Variants in AGMO observed in about 807,000 individuals in gnomAD.
The protein encoded by AGMO is alkylglycerol monooxygenase, also known as glyceryl-ether monooxygenase.
Under a neutral mutation model 60.2 loss-of-function variants are expected in AGMO, and 75 were observed. That is an observed-to-expected ratio of 1.25 (90% CI 1.03 to 1.51). The LOEUF is 1.51. Ranked by LOEUF, AGMO falls within the 40% of genes most tolerant of loss-of-function variation. The pLI, the probability that AGMO is intolerant of heterozygous loss-of-function variation, is 0.00. For missense variants in AGMO, 763 were observed against 525.5 expected (o/e 1.45, Z -4.42); for synonymous variants, 261 against 177.1 (o/e 1.47, Z -3.76).
intron 3 of AGMO, among the ~76,000 whole-genome samples, chr7:15,452,273 A>G (rs1781874990): frequency 6.6e-6 from 1 of 152,186 alleles, no homozygotes; most frequent in East Asian, 1.9e-4. Context: ...TATATTAAAT[A>G]ATACTATCAA....
At chr7:15,386,710 A>G (rs1292926716) in intron 9 of AGMO, among the ~76,000 whole-genome samples, 1 of 151,932 alleles carries the variant, frequency 6.6e-6, no homozygotes, top group Non-Finnish European at 1.5e-5. Flanking sequence ...TGAAATTAAG[A>G]GTAGTTTACT....
intron 12 of AGMO, among the ~76,000 whole-genome samples, chr7:15,337,116 C>T (rs1435352551): frequency 1.3e-5 from 2 of 152,002 alleles, no homozygotes; most frequent in African/African-American, 2.4e-5. Context: ...TCCCTAAATC[C>T]GTGGGATAAG....
chr7:15,272,916 TG>T lies in AGMO; in HGVS notation c.1264-71558del, dbSNP rs763439903. ...GATGAGCATTTTTTCATGTGTCTGT[TG>T]GCTGCATAAATGTCTTCTTTCGAGA... On this transcript the variant is annotated intron_variant, in intron 12 of 12. Transcript: ENST00000342526. Among the ~76,000 whole-genome samples, 6 of 152,348 alleles carry T rather than the reference TG, an allele frequency of 3.9e-5. No individual in the cohort carries two copies. The East Asian group carries it at 7.7e-4, about 20-fold the overall frequency.
intron 3 of AGMO, among the ~76,000 whole-genome samples, chr7:15,475,966 G>T (rs978088096): frequency 6.6e-6 from 1 of 152,142 alleles, no homozygotes; most frequent in East Asian, 1.9e-4. Context: ...AAATCATGAC[G>T]TAATAGAGCA....
intron 12 of AGMO, among the ~76,000 whole-genome samples, chr7:15,240,863 T>A (rs1444390284): frequency 6.6e-6 from 1 of 151,878 alleles, no homozygotes; most frequent in Non-Finnish European, 1.5e-5. Context: ...TCTAGGTGAT[T>A]TTTTTTTCCA....
intron 12 of AGMO, among the ~76,000 whole-genome samples, chr7:15,343,343 G>C (rs1034830546): frequency 5.3e-5 from 8 of 151,982 alleles, no homozygotes; most frequent in East Asian, 1.9e-4. Flanking sequence ...AATAATTATA[G>C]ACAACATTGT....
intron 12 of AGMO, among the ~76,000 whole-genome samples, chr7:15,260,601 C>T (rs1783239498): frequency 6.6e-6 from 1 of 152,042 alleles, no homozygotes. Flanking sequence ...CAGCACTAGA[C>T]AGGTCATCAA....
chr7:15,405,759 A>C (rs148017836), intron 5 of AGMO, among the ~76,000 whole-genome samples: 2 of 152,036 alleles, frequency 1.3e-5, no homozygotes, highest in African/African-American at 4.8e-5. Flanking sequence ...GAGTCTAAGT[A>C]AGTTTAGCAA....
At chr7:15,264,415 T>G (rs941712830) in intron 12 of AGMO, among the ~76,000 whole-genome samples, 2 of 151,876 alleles carry the variant, frequency 1.3e-5, no homozygotes, top group Non-Finnish European at 2.9e-5. Context: ...TGGGAAAAAA[T>G]GCACCCTAGA....
At chr7:15,246,596 C>T (rs534118602) in intron 12 of AGMO, among the ~76,000 whole-genome samples, 50 of 152,246 alleles carry the variant, frequency 3.3e-4, no homozygotes, top group Non-Finnish European at 5.6e-4. Flanking sequence ...ACTGTTTTAT[C>T]TCTACTTTCC....
At chr7:15,133,515 A>C in the AGMO span, among the ~76,000 whole-genome samples, 12 of 152,308 alleles carry the variant, frequency 7.9e-5, no homozygotes, top group African/African-American at 2.6e-4. Context: ...GGCTAAAATC[A>C]TCAGTGAAAA....
At chr7:15,244,873 C>G (rs546233065) in intron 12 of AGMO, among the ~76,000 whole-genome samples, 1 of 152,044 alleles carries the variant, frequency 6.6e-6, no homozygotes, top group African/African-American at 2.4e-5. Flanking sequence ...AGGATGGTCT[C>G]GATCTCCTGA....
At chr7:15,556,221 T>G (rs1398425970) in intron 2 of AGMO, among the ~76,000 whole-genome samples, 3 of 23,116 alleles carry the variant, frequency 1.3e-4, no homozygotes, top group South Asian at 4.2e-3. Context: ...CCTTTTTAGT[T>G]TTTTTTTTTT....
chr7:15,271,005 C>T (rs574902108), intron 12 of AGMO, among the ~76,000 whole-genome samples: 8 of 151,880 alleles, frequency 5.3e-5, no homozygotes, highest in Non-Finnish European at 1.0e-4. Flanking sequence ...GTTTTCTATT[C>T]TGCTCCATTG....
intron 12 of AGMO, among the ~76,000 whole-genome samples, chr7:15,360,911 T>C (rs555961350): frequency 8.7e-5 from 13 of 149,398 alleles, no homozygotes; most frequent in African/African-American, 2.5e-4. Flanking sequence ...ATGATCCTCA[T>C]GAAAATAAGA....
At chr7:15,198,238 A>AGG (rs1781179000), downstream of AGMO, among the ~76,000 whole-genome samples, 3 of 111,540 alleles carry the variant, frequency 2.7e-5, no homozygotes, top group Admixed American at 9.5e-5. Context: ...AGAGAGAGAG[A>AGG]GAGAGAGAGA....
chr7:15,295,142 G>A (rs143834995), intron 12 of AGMO, among the ~76,000 whole-genome samples: 11 of 151,814 alleles, frequency 7.2e-5, no homozygotes, highest in African/African-American at 2.4e-4. Context: ...AAAATTAATA[G>A]CTACACAAAC....
At chr7:15,165,281 G>C in the AGMO span, among the ~76,000 whole-genome samples, 1 of 152,042 alleles carries the variant, frequency 6.6e-6, no homozygotes, top group Admixed American at 6.6e-5. Context: ...ATTGGGTACA[G>C]TGTTCACTAT....
intron 3 of AGMO, among the ~76,000 whole-genome samples, chr7:15,536,868 A>T (rs1364592502): frequency 6.6e-6 from 1 of 151,990 alleles, no homozygotes; most frequent in Non-Finnish European, 1.5e-5. Context: ...AGTCATAATT[A>T]TACTTGTTCA....
Sources: allele counts gnomAD v4.1 joint callset (sites outside exome capture counted in the v4.1 genomes callset), GRCh38; gene constraint gnomAD v4.1.1; transcripts MANE v1.5; gene names NCBI Gene and HGNC (gene_info 2026-07-23, HGNC 2026-07-21).